The following APP variants were observed in gnomAD, a reference collection of about 807,000 sequenced individuals.
APP encodes the protein amyloid beta precursor protein.
In APP, 31 loss-of-function variants were observed where a neutral mutation model predicts 101.4. The observed-to-expected ratio is 0.31, with a 90% CI of 0.23 to 0.41. APP has a LOEUF of 0.41. Ranked by LOEUF, APP falls within the 10% of genes least tolerant of loss-of-function variation. The pLI, the probability that APP is intolerant of heterozygous loss-of-function variation, is 1.00. For synonymous variants in APP, 366 were observed against 364.4 expected, an observed-to-expected ratio of 1.00 and a Z score of -0.05; for missense variants, 839 against 1,003.7, an observed-to-expected ratio of 0.84 and a Z score of 2.22.
rs371074293 is a variant in APP at position 25,895,176 on chromosome 21, CT to C, written c.2064+2396del. Among the ~76,000 whole-genome samples the C allele has an allele frequency of 7.9e-3, 1,141 of 143,656 alleles. 6 individuals are homozygous for C. The highest frequency in any genetic ancestry group is 0.025 in the African/African-American group (981 of 38,688). 94.2% of individuals were successfully genotyped at this position (143,656 alleles called of 152,430 possible). ...GACTAGAGTATAGTGTAAATACAAACTTTTTTTTTTTTTTGAGACAGAGTCT... is the reference window on the plus strand; with the variant it reads ...GACTAGAGTATAGTGTAAATACAAACTTTTTTTTTTTTTGAGACAGAGTCT... On this transcript the variant is annotated intron_variant, in intron 16 of 17. Coordinates refer to ENST00000346798, the MANE Select transcript of APP (RefSeq NM_000484.4).
intron 3 of APP, among the ~76,000 whole-genome samples, chr21:26,061,197 T>C (rs1681972008): frequency 6.6e-6 from 1 of 152,204 alleles, no homozygotes; most frequent in South Asian, 2.1e-4. Flanking sequence ...AGAATCTAGC[T>C]TGTTTCTATT....
chr21:25,999,479 G>A (rs925727091), intron 7 of APP, among the ~76,000 whole-genome samples: 1 of 152,080 alleles, frequency 6.6e-6, no homozygotes, highest in Non-Finnish European at 1.5e-5. Context: ...AGATGCATGA[G>A]CTCAATTCAA....
chr21:25,957,277 C>T (rs1296374436), intron 11 of APP, among the ~76,000 whole-genome samples: 16 of 151,890 alleles, frequency 1.1e-4, no homozygotes, highest in Non-Finnish European at 4.4e-5. Context: ...TTTTAAATCT[C>T]AGAAGAAAAG....
chr21:26,056,881 G>A (rs530571645), intron 3 of APP, among the ~76,000 whole-genome samples: 1 of 152,304 alleles, frequency 6.6e-6, no homozygotes, highest in African/African-American at 2.4e-5. Flanking sequence ...AAACATGTTA[G>A]AAGGTTACAC....
At chr21:26,125,278 G>A (rs916869657) in intron 1 of APP, among the ~76,000 whole-genome samples, 2 of 152,108 alleles carry the variant, frequency 1.3e-5, no homozygotes, top group Admixed American at 6.5e-5. Context: ...GACAACTTTC[G>A]TGGGCCTCTT....
chr21:26,012,080 AC>A (rs1190131865), intron 6 of APP, among the ~76,000 whole-genome samples: 2 of 97,384 alleles, frequency 2.1e-5, no homozygotes, highest in Admixed American at 9.4e-5. Flanking sequence ...ATCACGGCTC[AC>A]TGCAGGCTTG....
intron 2 of APP, among the ~76,000 whole-genome samples, chr21:26,107,605 G>C (rs941173233): frequency 2.0e-5 from 3 of 152,062 alleles, no homozygotes; most frequent in Admixed American, 6.6e-5. Flanking sequence ...ATGGGGAATC[G>C]TCTCTCTTTG....
chr21:26,157,042 A>G (rs1295271255), intron 1 of APP, among the ~76,000 whole-genome samples: 3 of 152,166 alleles, frequency 2.0e-5, no homozygotes, highest in Non-Finnish European at 1.5e-5. Flanking sequence ...TTTTAAAGAC[A>G]TGCCAAGATT....
chr21:25,968,334 T>C (rs976299419), intron 11 of APP, among the ~76,000 whole-genome samples: 3 of 149,660 alleles, frequency 2.0e-5, no homozygotes, highest in Non-Finnish European at 3.0e-5. Flanking sequence ...TTTTTTTTTT[T>C]TTTTTTTGTA....
At chr21:26,042,821 C>T (rs1162507496) in intron 5 of APP, among the ~76,000 whole-genome samples, 2 of 152,070 alleles carry the variant, frequency 1.3e-5, no homozygotes, top group Non-Finnish European at 2.9e-5. Flanking sequence ...GAGGCTGAGG[C>T]AGGAGGATCA....
intron 15 of APP, among the ~76,000 whole-genome samples, chr21:25,899,566 T>C (rs1419285281): frequency 6.6e-6 from 1 of 152,134 alleles, no homozygotes; most frequent in Non-Finnish European, 1.5e-5. Flanking sequence ...GGTAAGATAC[T>C]GAGGTCTCTT....
At chr21:26,153,242 C>T (rs1330828695) in intron 1 of APP, among the ~76,000 whole-genome samples, 2 of 152,104 alleles carry the variant, frequency 1.3e-5, no homozygotes, top group East Asian at 1.9e-4. Context: ...TTCACCACTA[C>T]GTAATTCAAC....
chr21:26,027,716 T>TTG (rs2044641155), intron 5 of APP, among the ~76,000 whole-genome samples: 1 of 152,152 alleles, frequency 6.6e-6, no homozygotes, highest in Non-Finnish European at 1.5e-5. Flanking sequence ...GGCTATCTAG[T>TTG]TGTGTGGTCT....
At chr21:26,032,735 G>A (rs374348077) in intron 5 of APP, among the ~76,000 whole-genome samples, 1 of 151,320 alleles carries the variant, frequency 6.6e-6, no homozygotes, top group East Asian at 1.9e-4. Context: ...TTTTGAAAAT[G>A]GTATAAAAAT....
At chr21:25,995,004 C>T (rs1166436128) in intron 8 of APP, among the ~76,000 whole-genome samples, 7 of 152,158 alleles carry the variant, frequency 4.6e-5, no homozygotes, top group African/African-American at 1.7e-4. Context: ...CTTCATCCTC[C>T]TAGAATGGAA....
intron 15 of APP, among the ~76,000 whole-genome samples, chr21:25,900,362 G>A (rs1474846257): frequency 1.0e-5 from 1 of 100,380 alleles, no homozygotes; most frequent in Non-Finnish European, 1.8e-5. Flanking sequence ...GTGAAACCCT[G>A]TCTCTACTAA....
At chr21:26,084,227 ATTTTTTTTTTTTTTTTTTTT>A (rs869179482) in intron 3 of APP, among the ~76,000 whole-genome samples, 1 of 83,062 alleles carries the variant, frequency 1.2e-5, no homozygotes, top group African/African-American at 5.0e-5. Flanking sequence ...GAAGGGCTCC[ATTTTTTTTTTTTTTTTTTTT>A]TTTTTTTTTG....
chr21:26,104,929 T>G (rs892772268), intron 2 of APP, among the ~76,000 whole-genome samples: 2 of 152,024 alleles, frequency 1.3e-5, no homozygotes, highest in Admixed American at 6.5e-5. Flanking sequence ...CAGCTAGTTA[T>G]CTCTAAAATA....
rs529758203 is a variant in APP at position 26,118,666 on chromosome 21, C to T, written c.58-6520G>A. Among the ~76,000 whole-genome samples the T allele has an allele frequency of 9.4e-4, 143 of 152,284 alleles. 1 individual carries two copies. Among genetic ancestry groups the T allele is most frequent in the Middle Eastern group, 3.4e-3 (1 of 294 alleles). On this transcript the variant is annotated intron_variant, in intron 1 of 17. Coordinates refer to ENST00000346798, the MANE Select transcript of APP (RefSeq NM_000484.4). ...CTCCTGGGTTCAAGCGATTCTTGTG[C>T]TTTAACCTCCTGAGTAGCTGGGACT...
Sources: allele counts gnomAD v4.1 joint callset (sites outside exome capture counted in the v4.1 genomes callset), GRCh38; gene constraint gnomAD v4.1.1; transcripts MANE v1.5; gene names NCBI Gene and HGNC (gene_info 2026-07-23, HGNC 2026-07-21).